Variants in CAPN11 observed in about 807,000 individuals in gnomAD.
The protein encoded by CAPN11 is calpain-11.
In CAPN11, 108 loss-of-function variants were observed where a neutral mutation model predicts 105.3. That is an observed-to-expected ratio of 1.03 (90% CI 0.88 to 1.20). CAPN11 has a LOEUF of 1.20. CAPN11 is among the 50% of genes most tolerant of loss of function. The probability of loss-of-function intolerance (pLI) is 0.00; values close to 1 mark genes in which losing one functional copy is unlikely to be tolerated. For synonymous variants in CAPN11, 329 were observed against 344.5 expected (o/e 0.96, Z 0.50); for missense variants, 883 against 924.8 (o/e 0.95, Z 0.59).
chr6:44,181,078 C>G, intron 18 of CAPN11, 81 bp downstream of exon 18: 1 of 1,323,524 alleles, frequency 7.6e-7, no homozygotes, highest in Non-Finnish European at 1.1e-6. Flanking sequence ...GGGCCAGCCA[C>G]GTCCTCCTCC....
intron 1 of CAPN11, among the ~76,000 whole-genome samples, chr6:44,164,726 GA>G (rs1769503731): frequency 6.6e-6 from 1 of 152,194 alleles, no homozygotes; most frequent in African/African-American, 2.4e-5. Flanking sequence ...AGGATGGGAA[GA>G]GGAATGAGGG....
In CAPN11 at chr6:44,173,229, C is replaced by T; in HGVS notation, c.674C>T (p.Ser225Phe). 1 of 1,613,928 alleles carries T rather than the reference C, an allele frequency of 6.2e-7. No homozygotes were observed. The highest frequency in any genetic ancestry group is 8.5e-7 in the Non-Finnish European group (1 of 1,179,872). Residue 225 changes from serine to phenylalanine, a missense_variant, in exon 7 of 23, where the codon TCC (serine) becomes TTC (phenylalanine). Physicochemically the swap from Ser to Phe is radical, Grantham distance 155. Transcript: ENST00000398776. ...CTCTGTGCCCACAGGCTGAGTGGGT[C>T]CTATGAAGCATTGTCAGGGGGCAGT... is the stretch of plus-strand genomic sequence containing the variant. Reference protein sequence around the residue: ...LEKAYAKLSGSYEALSGGSTM... With the variant: ...LEKAYAKLSGFYEALSGGSTM...
rs375133475 is a variant in CAPN11 at position 44,181,336 on chromosome 6, G to T, written c.1938+16G>T. 1.9e-6 allele frequency: 3 copies of T among 1,611,606 alleles called. No homozygotes were observed. Among genetic ancestry groups the T allele is most frequent in the Non-Finnish European group, 2.5e-6 (3 of 1,178,056 alleles). On this transcript the variant is annotated intron_variant, in intron 19 of 22. Transcript: ENST00000398776. ...GAAATGGATGGTAAAGGGCACTAAA[G>T]GGGCAGCCTCCAGGGGTGAGGAAAA...
In CAPN11 at chr6:44,176,669, G is replaced by C; in HGVS notation, c.1076+14G>C. The C allele has an allele frequency of 6.3e-7, 1 of 1,583,774 alleles. No individual in the cohort carries two copies. On this transcript the variant is annotated intron_variant, in intron 10 of 22. Coordinates refer to ENST00000398776, the MANE Select transcript of CAPN11 (RefSeq NM_007058.4). ...CGGGGAGTTCTGGTCAGTGTGGCTT[G>C]GGGTGGGCTTCTTACCACCACCCTA... is the stretch of plus-strand genomic sequence containing the variant.
intron 4 of CAPN11, 79 bp from the exon 5 acceptor site, chr6:44,172,223 C>A (rs1461091038): frequency 3.3e-6 from 3 of 917,754 alleles, no homozygotes; most frequent in Non-Finnish European, 5.0e-6. Context: ...AGTTCCTGCT[C>A]CCCTAGGCCT....
intron 5 of CAPN11, 120 bp from the exon 6 acceptor site, chr6:44,172,820 T>A (rs946813719): frequency 1.9e-5 from 22 of 1,185,744 alleles, no homozygotes; most frequent in African/African-American, 4.6e-5. Flanking sequence ...TGCCTTTCCC[T>A]CTCTATTCAG....
At chr6:44,177,505 C>T (rs1434168375) in intron 12 of CAPN11, 85 bp downstream of exon 12, 34 of 1,235,066 alleles carry the variant, frequency 2.8e-5, no homozygotes, top group African/African-American at 4.6e-5. Context: ...TTTTTTTTTT[C>T]GAGACAGAGT....
At chr6:44,162,355 C>G in intron 1 of CAPN11, among the ~76,000 whole-genome samples, 1 of 143,166 alleles carries the variant, frequency 7.0e-6, no homozygotes, top group East Asian at 2.0e-4. Context: ...CCCTCACAGT[C>G]TCTTTGAATA....
At chr6:44,173,571 TTTTTTTTTGTTTG>T (rs899567901) in intron 7 of CAPN11, among the ~76,000 whole-genome samples, 185 bp downstream of exon 7, 2 of 51,148 alleles carry the variant, frequency 3.9e-5, no homozygotes, top group African/African-American at 1.8e-4. Context: ...TTTCTTTTTG[TTTTTTTTTGTTTG>T]TTTGTTTTGT....
intron 4 of CAPN11, among the ~76,000 whole-genome samples, chr6:44,170,987 G>A (rs9369460): frequency 0.44 from 66,884 of 152,026 alleles, 15,084 homozygotes; most frequent in Non-Finnish European, 0.48. Context: ...TGTGGGCAGA[G>A]CAGAGGCCAA....
intron 18 of CAPN11, 52 bp downstream of exon 18, chr6:44,181,049 G>T: frequency 6.5e-7 from 1 of 1,547,264 alleles, no homozygotes. Context: ...CACAAGCCTG[G>T]CCCAGAGATG....
At chr6:44,179,839 AGTTGGT>A in intron 13 of CAPN11, 107 bp from the exon 14 acceptor site, 1 of 925,130 alleles carries the variant, frequency 1.1e-6, no homozygotes, top group Non-Finnish European at 1.8e-6. Flanking sequence ...AGGCCAGGTC[AGTTGGT>A]GGTGGCACCT....
chr6:44,169,501 T>C lies in CAPN11; in HGVS notation c.309T>C (p.Asn103=), dbSNP rs1309375846. The change falls in exon 3 of 23, where the codon AAT becomes AAC. Residue 103 remains asparagine, a synonymous_variant. Transcript: ENST00000398776. ...AGGACCTGGGCCCCAACTCCAAAAA[T>C]GTGCAGAACATCTCCTGGCAGCGGC... ...GFKDLGPNSK[N]VQNISWQRPK... 1 of 1,600,028 alleles carries C rather than the reference T, an allele frequency of 6.2e-7. No individual in the cohort carries two copies. The highest frequency in any genetic ancestry group is 8.5e-7 in the Non-Finnish European group (1 of 1,173,514).
At chr6:44,180,684 G>A (rs1437405855) in intron 16 of CAPN11, 22 bp downstream of exon 16, 3 of 1,613,718 alleles carry the variant, frequency 1.9e-6, no homozygotes, top group African/African-American at 2.7e-5. Context: ...ACGAGCGGAG[G>A]GCTGACAGGA....
At chr6:44,183,596 G>T (rs1286536813) in intron 21 of CAPN11, 109 bp from the exon 22 acceptor site, 11 of 995,784 alleles carry the variant, frequency 1.1e-5, no homozygotes, top group Admixed American at 2.0e-5. Context: ...TTTATGTGGG[G>T]AACAGCCAGG....
intron 19 of CAPN11, among the ~76,000 whole-genome samples, 193 bp downstream of exon 19, chr6:44,181,513 CATACAG>C (rs1561854102): frequency 8.7e-6 from 1 of 114,406 alleles, no homozygotes; most frequent in African/African-American, 3.0e-5. Flanking sequence ...CACACACTCA[CATACAG>C]ACACAACCAC....
At chr6:44,176,787 A>G (rs2128308096) in intron 10 of CAPN11, 51 bp from the exon 11 acceptor site, 2 of 1,605,080 alleles carry the variant, frequency 1.2e-6, no homozygotes, top group East Asian at 2.2e-5. Flanking sequence ...GGGAGAGGGA[A>G]CTGAGGATGC....
At chr6:44,181,370 T>C (rs762356279) in intron 19 of CAPN11, 50 bp downstream of exon 19, 4 of 1,549,018 alleles carry the variant, frequency 2.6e-6, no homozygotes, top group South Asian at 2.2e-5. Context: ...AAGAGGGTCT[T>C]AGGAGAGATG....
intron 12 of CAPN11, 60 bp downstream of exon 12, chr6:44,177,480 C>CTT (rs1471017063): frequency 1.1e-5 from 15 of 1,402,862 alleles, no homozygotes; most frequent in East Asian, 2.3e-5. Context: ...TCACTCCTTT[C>CTT]TTTCTTTCTT....
Sources: gnomAD v4.1 joint callset for allele counts (sites outside exome capture counted in the v4.1 genomes callset) on GRCh38, gnomAD v4.1.1 for gene constraint, MANE v1.5 for transcripts, NCBI Gene and HGNC (gene_info 2026-07-23, HGNC 2026-07-21) for gene names.